Variants in HEMK2 observed in about 807,000 individuals in gnomAD.
The protein encoded by HEMK2 is HemK methyltransferase 2, ETF1 glutamine and histone H4 lysine, also known as methyltransferase HEMK2.
At chr21:28,593,068 T>G in the HEMK2 span, among the ~76,000 whole-genome samples, 4 of 152,128 alleles carry the variant, frequency 2.6e-5, no homozygotes, top group African/African-American at 9.7e-5. Flanking sequence ...TAGTGGCACA[T>G]GCTTATAATC....
the HEMK2 span, among the ~76,000 whole-genome samples, chr21:28,819,287 A>G: frequency 6.9e-6 from 1 of 145,182 alleles, no homozygotes; most frequent in African/African-American, 2.8e-5. Flanking sequence ...GCAGTTTATT[A>G]GCTCAAAAAA....
At chr21:28,677,679 G>A in the HEMK2 span, among the ~76,000 whole-genome samples, 1 of 152,188 alleles carries the variant, frequency 6.6e-6, no homozygotes, top group East Asian at 1.9e-4. Flanking sequence ...CACACGGCTG[G>A]GTATTCCTCT....
the HEMK2 span, among the ~76,000 whole-genome samples, chr21:28,700,959 G>C: frequency 6.6e-6 from 1 of 152,036 alleles, no homozygotes; most frequent in Non-Finnish European, 1.5e-5. Context: ...CAGGATCAAG[G>C]AGGCTTTATC....
At chr21:28,643,593 GCTTGAGC>G in the HEMK2 span, among the ~76,000 whole-genome samples, 1 of 152,104 alleles carries the variant, frequency 6.6e-6, no homozygotes. Context: ...TGGGAGGATC[GCTTGAGC>G]CTAGGAGTTC....
chr21:28,805,438 T>G, the HEMK2 span, among the ~76,000 whole-genome samples: 2 of 152,224 alleles, frequency 1.3e-5, no homozygotes, highest in Admixed American at 1.3e-4. Context: ...TCCTATTTTC[T>G]AATTGTCTCA....
At chr21:28,833,740 A>G in the HEMK2 span, among the ~76,000 whole-genome samples, 1 of 152,232 alleles carries the variant, frequency 6.6e-6, no homozygotes, top group African/African-American at 2.4e-5. Context: ...AAGGCCAGGC[A>G]AGGTTGGACT....
chr21:28,777,131 A>C, the HEMK2 span, among the ~76,000 whole-genome samples: 4 of 152,216 alleles, frequency 2.6e-5, no homozygotes, highest in African/African-American at 9.6e-5. Context: ...AATGTTTTTG[A>C]TGCAAGTCAC....
the HEMK2 span, among the ~76,000 whole-genome samples, chr21:28,725,633 G>A: frequency 1.1e-4 from 17 of 152,196 alleles, no homozygotes; most frequent in Admixed American, 1.3e-4. Flanking sequence ...GTTCTATCAT[G>A]TCCTGACTCA....
the HEMK2 span, among the ~76,000 whole-genome samples, chr21:28,653,879 C>T: frequency 9.2e-5 from 14 of 152,132 alleles, no homozygotes; most frequent in African/African-American, 3.4e-4. Context: ...ATGTATCTGG[C>T]TCTATGATTA....
At chr21:28,643,952 G>A in the HEMK2 span, among the ~76,000 whole-genome samples, 2 of 152,186 alleles carry the variant, frequency 1.3e-5, no homozygotes, top group Non-Finnish European at 2.9e-5. Flanking sequence ...AGTGATAGGA[G>A]CATGAAGAAC....
chr21:28,768,153 G>A, the HEMK2 span, among the ~76,000 whole-genome samples: 1 of 152,066 alleles, frequency 6.6e-6, no homozygotes, highest in African/African-American at 2.4e-5. Flanking sequence ...TTACTCCTCT[G>A]CCCAAACAGG....
chr21:28,813,686 G>A, the HEMK2 span, among the ~76,000 whole-genome samples: 1 of 152,036 alleles, frequency 6.6e-6, no homozygotes, highest in Non-Finnish European at 1.5e-5. Context: ...TATACTACAA[G>A]GCTACATTAA....
the HEMK2 span, among the ~76,000 whole-genome samples, chr21:28,783,176 G>A: frequency 1.1e-4 from 17 of 152,054 alleles, no homozygotes; most frequent in South Asian, 8.3e-4. Context: ...CACCTTATAC[G>A]CATAGCCTGA....
chr21:28,683,846 C>T, the HEMK2 span, among the ~76,000 whole-genome samples: 1 of 152,196 alleles, frequency 6.6e-6, no homozygotes, highest in Admixed American at 6.5e-5. Flanking sequence ...CAATTGCACA[C>T]AGACAGCCCC....
the HEMK2 span, among the ~76,000 whole-genome samples, chr21:28,690,089 G>A: frequency 0.56 from 84,569 of 152,032 alleles, 26,188 homozygotes; most frequent in East Asian, 0.84. Flanking sequence ...GAGAGTTTGT[G>A]TAGGGGAACT....
chr21:28,771,204 G>C, the HEMK2 span, among the ~76,000 whole-genome samples: 1 of 152,144 alleles, frequency 6.6e-6, no homozygotes, highest in African/African-American at 2.4e-5. Context: ...CCCAGTTTGA[G>C]GTCACCACTG....
chr21:28,643,066 C>T, the HEMK2 span, among the ~76,000 whole-genome samples: 1 of 152,158 alleles, frequency 6.6e-6, no homozygotes, highest in African/African-American at 2.4e-5. Context: ...ACATACCCCA[C>T]AGTCTAAGGC....
chr21:28,737,104 G>T, the HEMK2 span, among the ~76,000 whole-genome samples: 1 of 151,978 alleles, frequency 6.6e-6, no homozygotes, highest in African/African-American at 2.4e-5. Flanking sequence ...GAAGTTTGTT[G>T]GTTGGTTGGT....
chr21:28,751,485 T>C, the HEMK2 span, among the ~76,000 whole-genome samples: 1 of 152,228 alleles, frequency 6.6e-6, no homozygotes, highest in Non-Finnish European at 1.5e-5. Flanking sequence ...ATGTGCAGAT[T>C]AAAAACTCCA....
Sources: gnomAD v4.1 joint callset for allele counts (sites outside exome capture counted in the v4.1 genomes callset) on GRCh38, gnomAD v4.1.1 for gene constraint, MANE v1.5 for transcripts, NCBI Gene and HGNC (gene_info 2026-07-23, HGNC 2026-07-21) for gene names.